Variants in ADAMTS16 observed in about 807,000 individuals in gnomAD.
ADAMTS16 encodes the protein A disintegrin and metalloproteinase with thrombospondin motifs 16.
In ADAMTS16, 94 loss-of-function variants were observed where a neutral mutation model predicts 145.8. The ratio of observed to expected loss-of-function variants is 0.64; its 90% CI spans 0.55 to 0.77. The LOEUF is 0.77. Ranked by LOEUF, ADAMTS16 falls within the 30% of genes least tolerant of loss-of-function variation. The pLI is 0.00. For missense variants in ADAMTS16, 1,585 were observed against 1,591.5 expected (o/e 1.00, Z 0.07); for synonymous variants, 659 against 604.3 (o/e 1.09, Z -1.33).
At chr5:5,234,935 T>C in intron 12 of ADAMTS16, 79 bp from the exon 13 acceptor site, 1 of 1,245,168 alleles carries the variant, frequency 8.0e-7, no homozygotes, top group Non-Finnish European at 1.1e-6. Context: ...CTTAGCTTCA[T>C]CTCTCCAATA....
intron 17 of ADAMTS16, among the ~76,000 whole-genome samples, chr5:5,251,847 T>C (rs1737632462): frequency 6.6e-6 from 1 of 152,160 alleles, no homozygotes; most frequent in Non-Finnish European, 1.5e-5. Flanking sequence ...TGGGGCCAAG[T>C]ACTCGGTGCT....
chr5:5,153,797 C>T (rs966056570), intron 3 of ADAMTS16, among the ~76,000 whole-genome samples: 4 of 152,116 alleles, frequency 2.6e-5, no homozygotes, highest in Non-Finnish European at 4.4e-5. Flanking sequence ...AAATTTAATT[C>T]GTCTTGCATA....
At chr5:5,250,738 C>T (rs201751814) in intron 17 of ADAMTS16, among the ~76,000 whole-genome samples, 7,987 of 82,082 alleles carry the variant, frequency 0.097, 696 homozygotes, top group African/African-American at 0.26. Flanking sequence ...TGTGTGTGTG[C>T]GCGCACTCCT....
intron 15 of ADAMTS16, 48 bp from the exon 16 acceptor site, chr5:5,239,633 C>G (rs1737220080): frequency 1.2e-6 from 2 of 1,602,658 alleles, no homozygotes; most frequent in African/African-American, 1.3e-5. Flanking sequence ...GATTTTGCCC[C>G]TGCTTTCTGG....
At chr5:5,304,771 T>C (rs967851801) in intron 20 of ADAMTS16, among the ~76,000 whole-genome samples, 4 of 152,050 alleles carry the variant, frequency 2.6e-5, no homozygotes, top group African/African-American at 9.7e-5. Flanking sequence ...TCAGGTCCTC[T>C]TTCACCTGGA....
intron 7 of ADAMTS16, 39 bp from the exon 8 acceptor site, chr5:5,191,646 A>G: frequency 1.3e-6 from 2 of 1,514,408 alleles, no homozygotes; most frequent in South Asian, 2.3e-5. Flanking sequence ...ATTTTATTAC[A>G]ACACCGCTAT....
In ADAMTS16 at chr5:5,303,289, T is replaced by C; in HGVS notation, c.2811T>C (p.Ser937=). The change falls in exon 19 of 23, where the codon AGT becomes AGC. Residue 937 remains serine (S), a synonymous_variant. Transcript: ENST00000274181. ...CPPSWSVGNW[S]ACSRTCGGGA... ...CCAGCTGGTCCGTGGGGAACTGGAGTGCCTGCAGTCGGACGTGTGGCGGGG... is the reference window on the plus strand; with the variant it reads ...CCAGCTGGTCCGTGGGGAACTGGAGCGCCTGCAGTCGGACGTGTGGCGGGG... 1.3e-6 allele frequency: 2 copies of C among 1,584,570 alleles called. No homozygotes were observed. The highest frequency in any genetic ancestry group is 2.0e-4 in the Middle Eastern group (1 of 4,986).
At chr5:5,170,913 G>A (rs1472143573) in intron 3 of ADAMTS16, among the ~76,000 whole-genome samples, 3 of 152,090 alleles carry the variant, frequency 2.0e-5, no homozygotes, top group African/African-American at 7.2e-5. Flanking sequence ...TACTTATGAG[G>A]TATATTCAAT....
At chr5:5,286,537 A>G (rs1388395583) in intron 18 of ADAMTS16, among the ~76,000 whole-genome samples, 1 of 152,188 alleles carries the variant, frequency 6.6e-6, no homozygotes, top group Admixed American at 6.5e-5. Flanking sequence ...TAGCTGACTA[A>G]ATATCTAACA....
chr5:5,187,091 T>C (rs897354512), intron 5 of ADAMTS16, among the ~76,000 whole-genome samples: 12 of 152,226 alleles, frequency 7.9e-5, no homozygotes, highest in African/African-American at 2.9e-4. Flanking sequence ...AGCACGGCCC[T>C]GTTGTCCTCA....
At chr5:5,162,490 T>C (rs987043137) in intron 3 of ADAMTS16, among the ~76,000 whole-genome samples, 1 of 152,144 alleles carries the variant, frequency 6.6e-6, no homozygotes, top group African/African-American at 2.4e-5. Flanking sequence ...TGGAGTCTAA[T>C]TGATTGTTTG....
intron 17 of ADAMTS16, among the ~76,000 whole-genome samples, chr5:5,251,702 T>C (rs1365321171): frequency 6.6e-6 from 1 of 152,298 alleles, no homozygotes; most frequent in African/African-American, 2.4e-5. Flanking sequence ...TTCAGAAATC[T>C]TGTGGAAGAG....
intron 3 of ADAMTS16, among the ~76,000 whole-genome samples, chr5:5,173,919 T>G (rs750410035): frequency 4.8e-4 from 73 of 152,390 alleles, no homozygotes; most frequent in Middle Eastern, 6.8e-3. Context: ...AAAAAGTTGC[T>G]GTAGTTATTA....
intron 10 of ADAMTS16, among the ~76,000 whole-genome samples, chr5:5,209,937 A>G (rs1560063): frequency 0.26 from 39,458 of 152,104 alleles, 6,388 homozygotes; most frequent in East Asian, 0.65. Flanking sequence ...GAAAAATATA[A>G]TCCTCCAGAA....
intron 10 of ADAMTS16, among the ~76,000 whole-genome samples, chr5:5,221,455 C>T (rs12658487): frequency 0.23 from 34,341 of 152,068 alleles, 4,592 homozygotes; most frequent in Middle Eastern, 0.34. Context: ...ATTAACACAA[C>T]ACACTTATCA....
At chr5:5,183,580 A>C (rs539293146) in intron 4 of ADAMTS16, among the ~76,000 whole-genome samples, 1 of 152,346 alleles carries the variant, frequency 6.6e-6, no homozygotes, top group East Asian at 1.9e-4. Context: ...GCTCTTAAGC[A>C]GACGCCACAG....
At chr5:5,246,509 C>T (rs1737448303) in intron 17 of ADAMTS16, among the ~76,000 whole-genome samples, 3 of 152,144 alleles carry the variant, frequency 2.0e-5, no homozygotes, top group African/African-American at 7.2e-5. Context: ...TGATATCAAA[C>T]CATCCATTTA....
intron 17 of ADAMTS16, among the ~76,000 whole-genome samples, chr5:5,253,483 T>C (rs930814791): frequency 6.6e-6 from 1 of 152,196 alleles, no homozygotes; most frequent in Admixed American, 6.5e-5. Context: ...GATATGCGTT[T>C]GTCTCAGGTG....
At position 5,320,038 on chromosome 5, in the gene ADAMTS16, T is replaced by C; in HGVS notation, c.*900T>C. 1 of 418,544 alleles carries C rather than the reference T, an allele frequency of 2.4e-6. No individual in the cohort carries two copies. The highest frequency in any genetic ancestry group is 1.7e-5 in the South Asian group (1 of 57,354). The allele number at this position is 418,544 out of a possible 1,614,324, so 25.9% of individuals were successfully genotyped here. On this transcript the variant is annotated 3_prime_UTR_variant, in exon 23 of 23. Transcript: ENST00000274181. This position sits in a 1 kb window ranked among gnomAD's most constrained non-coding sequence, Gnocchi z 5.1. ...GTCAGCCACACAGCCTATGTGACAA[T>C]AACCTTAGAGTCCTGTGTTTTGTTT...
Sources: gnomAD v4.1 joint callset for allele counts (sites outside exome capture counted in the v4.1 genomes callset) on GRCh38, gnomAD v4.1.1 for gene constraint, Gnocchi (gnomAD v3.1) non-coding constraint, MANE v1.5 for transcripts, NCBI Gene and HGNC (gene_info 2026-07-23, HGNC 2026-07-21) for gene names.